Variants in DACH2 observed in about 807,000 individuals in gnomAD.
DACH2 encodes the protein dachshund family transcription factor 2, also known as dachshund homolog 2.
DACH2 carries 17 observed loss-of-function variants against 35.8 expected under a neutral mutation model. That is an observed-to-expected ratio of 0.48 (90% CI 0.33 to 0.71). DACH2 has a LOEUF of 0.71. Ranked by LOEUF, DACH2 falls within the 30% of genes least tolerant of loss-of-function variation. The pLI is 0.02. For missense variants in DACH2, 469 were observed against 472.7 expected (o/e 0.99, Z 0.07); for synonymous variants, 195 against 177.3 (o/e 1.10, Z -0.79).
At chrX:86,394,039 C>T (rs949288574) in intron 2 of DACH2, among the ~76,000 whole-genome samples, 4 of 107,984 alleles carry the variant, frequency 3.7e-5, no homozygotes, top group South Asian at 8.0e-4. Context: ...GTACAGCTAC[C>T]GCTCTCCCAT....
rs2039635716 is a variant in DACH2, at chrX:86,590,872, GT to G, written c.641-60162del. ...GTACATGTGCACAACGTGCAGGTTTGTTACATATGTATACATGTGCCATGTT... is the reference window on the plus strand; with the variant it reads ...GTACATGTGCACAACGTGCAGGTTTGTACATATGTATACATGTGCCATGTT... On this transcript the variant is annotated intron_variant, in intron 3 of 11. Coordinates refer to ENST00000373125, the MANE Select transcript of DACH2 (RefSeq NM_053281.3). Among the ~76,000 whole-genome samples the G allele has an allele frequency of 3.6e-5, 4 of 110,756 alleles. No individual in the cohort carries two copies. In the Admixed American group the frequency reaches 3.9e-4, roughly 11 times the overall value.
chrX:86,331,467 C>T (rs1374848802), intron 1 of DACH2, among the ~76,000 whole-genome samples: 2 of 109,758 alleles, frequency 1.8e-5, no homozygotes, highest in African/African-American at 6.6e-5. Flanking sequence ...GAAGATAAAA[C>T]AAACAAACAA....
rs1319820879 is a variant in DACH2 at position 86,350,189 on chromosome X, T to C, written c.489-26635T>C. Among the ~76,000 whole-genome samples, 2 of 18,321 alleles carry C rather than the reference T, an allele frequency of 1.1e-4. 1 individual carries two copies. The highest frequency in any genetic ancestry group is 1.9e-4 in the Non-Finnish European group (2 of 10,310). 15.9% of individuals were successfully genotyped at this position (18,321 alleles called of 115,157 possible). On this transcript the variant is annotated intron_variant, in intron 1 of 11. Coordinates refer to ENST00000373125, the MANE Select transcript of DACH2 (RefSeq NM_053281.3). Reference sequence around the variant, plus strand: ...TCTCAAAAACAAAACAAGTGTCTGTTCATGTCCTTCGCCCACTTTTTGATG... The same window carrying C: ...TCTCAAAAACAAAACAAGTGTCTGTCCATGTCCTTCGCCCACTTTTTGATG...
intron 7 of DACH2, among the ~76,000 whole-genome samples, chrX:86,784,106 A>T (rs185962640): frequency 9.4e-4 from 104 of 110,522 alleles, no homozygotes; most frequent in Non-Finnish European, 2.5e-4. Context: ...TACCCCACAA[A>T]TATATACACC....
chrX:86,687,499 C>G (rs1175308821), intron 4 of DACH2, among the ~76,000 whole-genome samples: 1 of 111,701 alleles, frequency 9.0e-6, no homozygotes, highest in East Asian at 2.8e-4. Flanking sequence ...CCTCAAGGAT[C>G]TAGAACCAGA....
chrX:86,226,054 A>G (rs907946106), intron 1 of DACH2, among the ~76,000 whole-genome samples: 1 of 111,678 alleles, frequency 9.0e-6, no homozygotes, highest in African/African-American at 3.2e-5. Flanking sequence ...ACATCATGTT[A>G]GAAGTGAAAT....
At chrX:86,198,079 AC>A (rs1444219715) in intron 1 of DACH2, among the ~76,000 whole-genome samples, 1 of 112,163 alleles carries the variant, frequency 8.9e-6, no homozygotes, top group Non-Finnish European at 1.9e-5. Context: ...AGACCACAGC[AC>A]AATCAAATTA....
intron 3 of DACH2, among the ~76,000 whole-genome samples, chrX:86,578,430 G>T (rs1315103523): frequency 9.1e-6 from 1 of 110,228 alleles, no homozygotes; most frequent in Non-Finnish European, 1.9e-5. Context: ...TACATTATTT[G>T]TCACTAAAAT....
At chrX:86,441,717 T>C (rs2037165246) in intron 2 of DACH2, among the ~76,000 whole-genome samples, 1 of 109,710 alleles carries the variant, frequency 9.1e-6, no homozygotes, top group Non-Finnish European at 1.9e-5. Context: ...TTGAGGAAAC[T>C]CCATATTATT....
chrX:86,735,320 T>C (rs1462338706), intron 6 of DACH2, among the ~76,000 whole-genome samples: 4 of 111,873 alleles, frequency 3.6e-5, no homozygotes, highest in Middle Eastern at 4.6e-3. Context: ...GTTGATACTT[T>C]AGTGCCAATA....
At chrX:86,704,082 C>T (rs897871775) in intron 5 of DACH2, among the ~76,000 whole-genome samples, 1 of 111,753 alleles carries the variant, frequency 8.9e-6, no homozygotes, top group Non-Finnish European at 1.9e-5. Context: ...GTAACCAAAA[C>T]CAAAACAGCA....
chrX:86,291,643 A>G (rs1431826302), intron 1 of DACH2, among the ~76,000 whole-genome samples: 2 of 107,571 alleles, frequency 1.9e-5, no homozygotes, highest in African/African-American at 6.9e-5. Flanking sequence ...AAGGGTTGTT[A>G]AATTTTGTCA....
intron 7 of DACH2, among the ~76,000 whole-genome samples, chrX:86,757,003 A>G (rs2041835995): frequency 1.8e-5 from 2 of 111,528 alleles, no homozygotes; most frequent in Admixed American, 1.9e-4. Context: ...TTTTATCCTC[A>G]TTCTGTTGAT....
At chrX:86,398,379 C>A (rs1412712390) in intron 2 of DACH2, among the ~76,000 whole-genome samples, 1 of 112,298 alleles carries the variant, frequency 8.9e-6, no homozygotes, top group East Asian at 2.8e-4. Context: ...TTTTTTGTGT[C>A]TCTATTTCCT....
intron 4 of DACH2, among the ~76,000 whole-genome samples, chrX:86,658,847 A>G (rs1017164232): frequency 8.9e-6 from 1 of 111,746 alleles, no homozygotes; most frequent in Non-Finnish European, 1.9e-5. Context: ...TTATTTCAGG[A>G]AGAACTATGC....
chrX:86,533,455 C>A (rs575877225), intron 3 of DACH2, among the ~76,000 whole-genome samples: 2 of 111,712 alleles, frequency 1.8e-5, no homozygotes, highest in Admixed American at 1.9e-4. Context: ...ACAGTGTACT[C>A]TGTAACCTAA....
chrX:86,776,054 G>A (rs1174087142), intron 7 of DACH2, among the ~76,000 whole-genome samples: 1 of 111,328 alleles, frequency 9.0e-6, no homozygotes, highest in Admixed American at 9.6e-5. Flanking sequence ...ACTATAACAT[G>A]CTTTTTTCCA....
chrX:86,283,537 A>G (rs755797471), intron 1 of DACH2, among the ~76,000 whole-genome samples: 9 of 111,477 alleles, frequency 8.1e-5, no homozygotes, highest in Non-Finnish European at 1.1e-4. Flanking sequence ...ACTATGGAAT[A>G]CTATGCAGCT....
At chrX:86,295,284 C>G (rs185001306) in intron 1 of DACH2, among the ~76,000 whole-genome samples, 28 of 111,313 alleles carry the variant, frequency 2.5e-4, no homozygotes, top group Admixed American at 1.3e-3. Flanking sequence ...GGCTCGCGCA[C>G]GGTGCGCGCA....
Sources: gnomAD v4.1 joint callset for allele counts (sites outside exome capture counted in the v4.1 genomes callset) on GRCh38, gnomAD v4.1.1 for gene constraint, MANE v1.5 for transcripts, NCBI Gene and HGNC (gene_info 2026-07-23, HGNC 2026-07-21) for gene names.